Variants in OXR1 observed in about 807,000 individuals in gnomAD.
OXR1 encodes the protein oxidation resistance 1, also known as oxidation resistance protein 1.
OXR1 carries 41 observed loss-of-function variants against 104.6 expected under a neutral mutation model. That is an observed-to-expected ratio of 0.39 (90% CI 0.31 to 0.51). The LOEUF (loss-of-function observed/expected upper bound fraction) is 0.51. Ranked by LOEUF, OXR1 falls within the 20% of genes least tolerant of loss-of-function variation. OXR1 has a pLI of 0.77. For missense variants in OXR1, 955 were observed against 1,031.9 expected (o/e 0.93, Z 1.02); for synonymous variants, 348 against 348.4 (o/e 1.00, Z 0.01).
At chr8:106,626,659 A>G (rs1043276461) in intron 3 of OXR1, among the ~76,000 whole-genome samples, 6 of 150,860 alleles carry the variant, frequency 4.0e-5, no homozygotes, top group African/African-American at 1.5e-4. Flanking sequence ...ATATCTTTAA[A>G]AAAATTATTT....
intron 1 of OXR1, among the ~76,000 whole-genome samples, chr8:106,346,874 C>T (rs1004260096): frequency 6.6e-6 from 1 of 152,126 alleles, no homozygotes; most frequent in Non-Finnish European, 1.5e-5. Flanking sequence ...CCCGTCTCTA[C>T]TAAAAATACA....
chr8:106,392,205 G>A (rs1409166690), intron 2 of OXR1, among the ~76,000 whole-genome samples: 1 of 152,146 alleles, frequency 6.6e-6, no homozygotes, highest in East Asian at 1.9e-4. Flanking sequence ...TGCTTAGAAA[G>A]TTTCTTGTAC....
intron 3 of OXR1, among the ~76,000 whole-genome samples, chr8:106,655,853 G>C (rs1161386007): frequency 6.6e-6 from 1 of 152,080 alleles, no homozygotes; most frequent in Non-Finnish European, 1.5e-5. Context: ...AGCCTTCTAT[G>C]AAATAGAAGC....
chr8:106,565,695 A>C (rs977069753), intron 3 of OXR1, among the ~76,000 whole-genome samples: 4 of 152,196 alleles, frequency 2.6e-5, no homozygotes, highest in African/African-American at 9.6e-5. Flanking sequence ...AAAAGAACAA[A>C]GCTGCAGGCA....
At chr8:106,627,674 G>A (rs1175895466) in intron 3 of OXR1, among the ~76,000 whole-genome samples, 1 of 152,130 alleles carries the variant, frequency 6.6e-6, no homozygotes, top group Non-Finnish European at 1.5e-5. Context: ...CTGACATTTA[G>A]TTCTTTCATT....
chr8:106,362,503 C>G (rs1816289322), intron 2 of OXR1, among the ~76,000 whole-genome samples: 1 of 151,968 alleles, frequency 6.6e-6, no homozygotes, highest in Non-Finnish European at 1.5e-5. Context: ...GTGTATGATA[C>G]TTGAAAAAAT....
chr8:106,331,517 A>C (rs1814712897), intron 1 of OXR1, among the ~76,000 whole-genome samples: 1 of 152,184 alleles, frequency 6.6e-6, no homozygotes, highest in Non-Finnish European at 1.5e-5. Flanking sequence ...TTTATAATAA[A>C]ATATAATAAA....
At chr8:106,457,663 ATCT>A (rs1563535120) in intron 2 of OXR1, among the ~76,000 whole-genome samples, 1 of 151,540 alleles carries the variant, frequency 6.6e-6, no homozygotes. Context: ...GGAAACCTAA[ATCT>A]TCTTAGGGAT....
At chr8:106,707,247 G>C in intron 9 of OXR1, 102 bp downstream of exon 9, 1 of 945,802 alleles carries the variant, frequency 1.1e-6, no homozygotes, top group Non-Finnish European at 1.7e-6. Flanking sequence ...CAACCTGAAG[G>C]ATAAGTGAGT....
intron 2 of OXR1, among the ~76,000 whole-genome samples, chr8:106,452,127 G>C (rs2130619525): frequency 6.6e-6 from 1 of 152,280 alleles, no homozygotes; most frequent in South Asian, 2.1e-4. Flanking sequence ...GTAAGCTCAT[G>C]TGTAATTACA....
chr8:106,279,017 A>G (rs1812174182), intron 1 of OXR1, among the ~76,000 whole-genome samples: 1 of 152,152 alleles, frequency 6.6e-6, no homozygotes, highest in Non-Finnish European at 1.5e-5. Context: ...AAAACCACAG[A>G]AATGAACCAG....
At position 106,433,334 on chromosome 8, in the gene OXR1, A is replaced by G. The variant is rs563981243; in HGVS notation, c.23+73698A>G. On this transcript the variant is annotated intron_variant, in intron 2 of 16. Coordinates refer to ENST00000517566, the MANE Select transcript of OXR1 (RefSeq NM_001198533.2). ...TCATCCAGTTCAGGGTCAGCAAAAC[A>G]TCTCAAGCAGTGATCTTAGGTTTTA... is the stretch of plus-strand genomic sequence containing the variant. Among the ~76,000 whole-genome samples the G allele has an allele frequency of 3.3e-5, 5 of 152,296 alleles. No individual in the cohort carries two copies. In the South Asian group the frequency reaches 8.3e-4, roughly 25 times the overall value.
chr8:106,587,587 C>A (rs1256562447), intron 3 of OXR1, among the ~76,000 whole-genome samples: 1 of 152,154 alleles, frequency 6.6e-6, no homozygotes, highest in African/African-American at 2.4e-5. Context: ...AAATGATGGG[C>A]TGCAGCACTT....
intron 3 of OXR1, among the ~76,000 whole-genome samples, chr8:106,551,964 G>A (rs1815874371): frequency 6.6e-6 from 1 of 151,064 alleles, no homozygotes; most frequent in Admixed American, 6.6e-5. Flanking sequence ...GGGAGGCTGA[G>A]GCAGGAGGAT....
Position 106,374,247 on chromosome 8 carries a change from A to G in OXR1, c.23+14611A>G, listed in dbSNP as rs527721692. ...GATATTTGCCATTTGATGTCTGGGA[A>G]ATACACCATAGTGTTATAATTACTT... On this transcript the variant is annotated intron_variant, in intron 2 of 16. Transcript: ENST00000517566. 2.6e-5 allele frequency among the ~76,000 whole-genome samples: 4 copies of G among 152,308 alleles called. No individual in the cohort carries two copies. In the South Asian group the frequency reaches 8.3e-4, roughly 32 times the overall value.
intron 1 of OXR1, among the ~76,000 whole-genome samples, chr8:106,322,693 A>C (rs575542139): frequency 6.6e-6 from 1 of 152,230 alleles, no homozygotes; most frequent in Admixed American, 6.5e-5. Context: ...AAAGTTGCGG[A>C]GTACAAAATC....
At chr8:106,364,085 C>A (rs1816364228) in intron 2 of OXR1, among the ~76,000 whole-genome samples, 1 of 152,034 alleles carries the variant, frequency 6.6e-6, no homozygotes, top group South Asian at 2.1e-4. Flanking sequence ...ACAAAATATT[C>A]CGTTTTGCAT....
intron 3 of OXR1, among the ~76,000 whole-genome samples, chr8:106,662,781 G>A (rs10091611): frequency 0.12 from 18,691 of 151,916 alleles, 1,438 homozygotes; most frequent in East Asian, 0.33. Context: ...CCTAATATTG[G>A]GGGGTGTAAA....
chr8:106,355,402 A>G (rs1023693564), intron 1 of OXR1, among the ~76,000 whole-genome samples: 13 of 152,278 alleles, frequency 8.5e-5, no homozygotes, highest in South Asian at 8.3e-4. Context: ...TCAATCATTT[A>G]CATGTAATTA....
Sources: gnomAD v4.1 joint callset for allele counts (sites outside exome capture counted in the v4.1 genomes callset) on GRCh38, gnomAD v4.1.1 for gene constraint, MANE v1.5 for transcripts, NCBI Gene and HGNC (gene_info 2026-07-23, HGNC 2026-07-21) for gene names.